Variants in CYFIP2 observed in about 807,000 individuals in gnomAD.
The protein encoded by CYFIP2 is cytoplasmic FMR1-interacting protein 2.
Under a neutral mutation model 158.7 loss-of-function variants are expected in CYFIP2, and 29 were observed. The ratio of observed to expected loss-of-function variants is 0.18; its 90% CI spans 0.14 to 0.25. CYFIP2 has a LOEUF of 0.25. CYFIP2 is among the 10% of genes least tolerant of loss of function. The probability of loss-of-function intolerance (pLI) is 1.00; values close to 1 mark genes in which losing one functional copy is unlikely to be tolerated. For missense variants in CYFIP2, 852 were observed against 1,639.5 expected (o/e 0.52, Z 8.29); for synonymous variants, 585 against 617.6 (o/e 0.95, Z 0.78).
Position 157,296,653 on chromosome 5 carries a change from G to A in CYFIP2, c.286-20G>A, listed in dbSNP as rs776784644. The A allele has an allele frequency of 1.2e-5, 20 of 1,606,968 alleles. No homozygotes were observed. Among genetic ancestry groups the A allele is most frequent in the East Asian group, 8.9e-5 (4 of 44,796 alleles). ...AACAGGTGTAAACCAGGATGTGTGTGTCCCCATTATCCCCCACAGGTGAAA... is the reference window on the plus strand; with the variant it reads ...AACAGGTGTAAACCAGGATGTGTGTATCCCCATTATCCCCCACAGGTGAAA... On this transcript the variant is annotated intron_variant, in intron 4 of 30. Coordinates refer to ENST00000620254, the MANE Select transcript of CYFIP2 (RefSeq NM_001037333.3).
intron 26 of CYFIP2, among the ~76,000 whole-genome samples, chr5:157,367,751 C>CTT (rs373446663): frequency 0.086 from 10,573 of 123,518 alleles, 573 homozygotes; most frequent in Middle Eastern, 0.1. Context: ...CCTCTGTTCA[C>CTT]TTTTTTTTTT....
At chr5:157,319,509 T>C (rs982749167) in intron 13 of CYFIP2, among the ~76,000 whole-genome samples, 1 of 152,202 alleles carries the variant, frequency 6.6e-6, no homozygotes, top group African/African-American at 2.4e-5. Flanking sequence ...TCAGTTGCAT[T>C]GCGAAGAATG....
chr5:157,320,692 G>A lies in CYFIP2; in HGVS notation c.1561G>A (p.Glu521Lys), dbSNP rs2113107133. The A allele has an allele frequency of 6.2e-7, 1 of 1,613,926 alleles. No individual in the cohort carries two copies. The highest frequency in any genetic ancestry group is 1.7e-5 in the Admixed American group (1 of 60,022). The change falls in exon 15 of 31, where the codon GAG becomes AAG. Residue 521 changes from glutamate to lysine, a missense_variant. This residue lies in a region of CYFIP2 where 167 missense variants were observed against 343.3 expected (regional missense o/e 0.49). Coordinates refer to ENST00000620254, the MANE Select transcript of CYFIP2 (RefSeq NM_001037333.3). ...QAIRKTICDW[E>K]GGREPPNDPC... ...AATTCGAAAGACCATCTGTGACTGG[G>A]AGGGAGGGCGAGAGCCCCCTAATGA...
intron 28 of CYFIP2, among the ~76,000 whole-genome samples, chr5:157,388,715 G>C (rs952252948): frequency 3.3e-5 from 5 of 152,312 alleles, no homozygotes; most frequent in Non-Finnish European, 7.3e-5. Context: ...CTCACTGGCT[G>C]CCTCTCTGAA....
At chr5:157,383,662 A>G (rs1213872478) in intron 28 of CYFIP2, 2 of 236,532 alleles carry the variant, frequency 8.5e-6, no homozygotes, top group Non-Finnish European at 8.3e-6. Context: ...TTTGCCTCTG[A>G]AAATTAAAAC....
At chr5:157,268,669 G>A (rs1755824910) in intron 1 of CYFIP2, among the ~76,000 whole-genome samples, 1 of 152,222 alleles carries the variant, frequency 6.6e-6, no homozygotes, top group African/African-American at 2.4e-5. Flanking sequence ...GCCTTTTGTA[G>A]CCTCCATGTG....
Position 157,278,156 on chromosome 5 carries a change from A to G in CYFIP2, c.-23-7183A>G, listed in dbSNP as rs1756711241. Among the ~76,000 whole-genome samples, 3 of 151,562 alleles carry G rather than the reference A, an allele frequency of 2.0e-5. No individual in the cohort carries two copies. In the South Asian group the frequency reaches 6.2e-4, roughly 31 times the overall value. ...CTTTTATTTATTTTTATATTTATAT[A>G]TCTATATAATATTTTCTTTGTAGTA... On this transcript the variant is annotated intron_variant, in intron 1 of 30. Transcript: ENST00000620254.
chr5:157,328,714 G>A (rs997842501), intron 19 of CYFIP2, among the ~76,000 whole-genome samples: 4 of 152,196 alleles, frequency 2.6e-5, no homozygotes, highest in Admixed American at 1.3e-4. Flanking sequence ...ACCGTGACCC[G>A]ATTCGATTTT....
rs1199099751 is a variant in CYFIP2 at position 157,361,762 on chromosome 5, C to T, written c.3039+164C>T. Among the ~76,000 whole-genome samples, 1 of 152,152 alleles carries T rather than the reference C, an allele frequency of 6.6e-6. No homozygotes were observed. The highest frequency in any genetic ancestry group is 1.5e-5 in the Non-Finnish European group (1 of 68,042). ...AGACATGGATTCTAGTCCTGGCTCC[C>T]CCATTCACGATTAGTGCAGTTGTCT... On this transcript the variant is annotated intron_variant, in intron 26 of 30. Coordinates refer to ENST00000620254, the MANE Select transcript of CYFIP2 (RefSeq NM_001037333.3). The surrounding 1 kb of genome is among the most constrained non-coding windows in gnomAD (Gnocchi z 4.4).
chr5:157,352,328 C>T (rs1175743143), intron 23 of CYFIP2, among the ~76,000 whole-genome samples: 1 of 152,148 alleles, frequency 6.6e-6, no homozygotes, highest in Non-Finnish European at 1.5e-5. Flanking sequence ...ATCCTTAGGA[C>T]CCAGAACCCA....
chr5:157,323,860 A>T (rs1760802974), intron 15 of CYFIP2, 61 bp from the exon 16 acceptor site: 2 of 1,442,178 alleles, frequency 1.4e-6, no homozygotes, highest in South Asian at 1.5e-5. Flanking sequence ...ACATGAAGCA[A>T]CCTTTTTCCC....
chr5:157,296,922 C>T (rs575995450), intron 5 of CYFIP2, 148 bp downstream of exon 5: 27 of 601,206 alleles, frequency 4.5e-5, no homozygotes, highest in African/African-American at 3.2e-4. Context: ...GTGAGCAAGA[C>T]GGATGAGTCT....
chr5:157,348,825 A>G (rs866016441), intron 23 of CYFIP2, among the ~76,000 whole-genome samples: 2 of 152,236 alleles, frequency 1.3e-5, no homozygotes, highest in South Asian at 4.1e-4. Flanking sequence ...AGCAATGCAT[A>G]CAGCATGCCT....
intron 3 of CYFIP2, among the ~76,000 whole-genome samples, chr5:157,290,461 A>G (rs1254709802): frequency 1.3e-5 from 2 of 152,114 alleles, no homozygotes; most frequent in African/African-American, 4.8e-5. Context: ...GCTTATGAGT[A>G]CCTTGTGTTT....
At chr5:157,272,114 AG>A (rs1176869197) in intron 1 of CYFIP2, among the ~76,000 whole-genome samples, 1 of 152,200 alleles carries the variant, frequency 6.6e-6, no homozygotes. Flanking sequence ...TGGCAAACGA[AG>A]GGGAAAGTCC....
chr5:157,327,942 C>T (rs1396068049), intron 18 of CYFIP2, 31 bp from the exon 19 acceptor site: 2 of 1,607,416 alleles, frequency 1.2e-6, no homozygotes, highest in East Asian at 4.5e-5. Flanking sequence ...TGAACGGGCA[C>T]CAGTGATGTT....
rs1263749765 is a variant in CYFIP2 at position 157,315,064 on chromosome 5, C to T, written c.1326C>T (p.Tyr442=). ...ATGAGAGAGCCACACGCTACAATTACACCAGTGAGGAAAAATTTGCCTTCG... is the reference window on the plus strand; with the variant it reads ...ATGAGAGAGCCACACGCTACAATTATACCAGTGAGGAAAAATTTGCCTTCG... ...EEYERATRYN[Y]TSEEKFAFVE... The change falls in exon 13 of 31, where the codon TAC becomes TAT. Residue 442 remains tyrosine, a synonymous_variant. Coordinates refer to ENST00000620254, the MANE Select transcript of CYFIP2 (RefSeq NM_001037333.3). The T allele has an allele frequency of 1.4e-5, 22 of 1,613,550 alleles. No homozygotes were observed. Among genetic ancestry groups the T allele is most frequent in the Non-Finnish European group, 1.7e-5 (20 of 1,179,762 alleles).
intron 1 of CYFIP2, among the ~76,000 whole-genome samples, chr5:157,276,213 T>A (rs1368369810): frequency 6.6e-6 from 1 of 152,234 alleles, no homozygotes; most frequent in Non-Finnish European, 1.5e-5. Flanking sequence ...GCAGACTTAT[T>A]TGTCTTGTTC....
In CYFIP2 at chr5:157,285,993, C is replaced by A. The variant is rs1377780925; in HGVS notation, c.117+515C>A. Among the ~76,000 whole-genome samples, 3 of 152,214 alleles carry A rather than the reference C, an allele frequency of 2.0e-5. No homozygotes were observed. The South Asian group carries it at 6.2e-4, about 32-fold the overall frequency. ...TATCAGGGCCGGGAGTCGGTATAGC[C>A]CCTTGTCTGGGTGTGCCAGGCCAGA... On this transcript the variant is annotated intron_variant, in intron 2 of 30. Transcript: ENST00000620254.
Sources: gnomAD v4.1 joint callset for allele counts (sites outside exome capture counted in the v4.1 genomes callset) on GRCh38, gnomAD v4.1.1 for gene constraint, gnomAD v4.1.1 regional missense constraint, Gnocchi (gnomAD v3.1) non-coding constraint, MANE v1.5 for transcripts, NCBI Gene and HGNC (gene_info 2026-07-23, HGNC 2026-07-21) for gene names.